MEGF11: variants seen among roughly 807,000 people sequenced by gnomAD.
MEGF11 encodes the protein multiple EGF like domains 11, also known as multiple epidermal growth factor-like domains protein 11.
A neutral mutation model predicts 146.6 loss-of-function variants in MEGF11; 126 were observed. That is an observed-to-expected ratio of 0.86 (90% CI 0.74 to 1.00). The LOEUF (loss-of-function observed/expected upper bound fraction) is 1.00. Among genes scored for constraint, MEGF11 ranks in the 50% least tolerant of loss-of-function variants. MEGF11 has a pLI of 0.00. For missense variants in MEGF11, 1,509 were observed against 1,521.2 expected (o/e 0.99, Z 0.13); for synonymous variants, 532 against 583.4 (o/e 0.91, Z 1.27).
chr15:65,931,631 C>A (rs1239924471), intron 10 of MEGF11, among the ~76,000 whole-genome samples: 8 of 152,200 alleles, frequency 5.3e-5, no homozygotes, highest in Non-Finnish European at 1.5e-5. Flanking sequence ...ATACCAGGGA[C>A]CTTGACTCCA....
chr15:66,172,485 G>A (rs1406001007), intron 1 of MEGF11, among the ~76,000 whole-genome samples: 1 of 152,152 alleles, frequency 6.6e-6, no homozygotes, highest in African/African-American at 2.4e-5. Context: ...GGAGGGGCGT[G>A]AGGCTGGGTG....
At chr15:66,149,701 A>G (rs2089494939) in intron 1 of MEGF11, among the ~76,000 whole-genome samples, 1 of 152,236 alleles carries the variant, frequency 6.6e-6, no homozygotes, top group Non-Finnish European at 1.5e-5. Context: ...GCAGGATTCA[A>G]CAAAAAGAGG....
intron 1 of MEGF11, among the ~76,000 whole-genome samples, chr15:66,212,278 C>A (rs1283986531): frequency 4.6e-5 from 7 of 152,146 alleles, no homozygotes; most frequent in Non-Finnish European, 7.4e-5. Context: ...TCACACACAG[C>A]CACTTACACA....
At chr15:66,204,706 A>T (rs1050772704) in intron 1 of MEGF11, among the ~76,000 whole-genome samples, 1 of 152,224 alleles carries the variant, frequency 6.6e-6, no homozygotes, top group Non-Finnish European at 1.5e-5. Context: ...CTCCATCAAC[A>T]TTCATTCTTG....
chr15:65,922,583 C>CCAAGATGAGGGAAGG, intron 14 of MEGF11, 111 bp from the exon 15 acceptor site: 1 of 1,409,314 alleles, frequency 7.1e-7, no homozygotes, highest in Non-Finnish European at 9.4e-7. Context: ...ATCCTTCCCT[C>CCAAGATGAGGGAAGG]ATCTTGGAGG....
Position 66,027,220 on chromosome 15 carries a change from A to C in MEGF11, c.395-44732T>G, listed in dbSNP as rs563776140. Among the ~76,000 whole-genome samples the C allele has an allele frequency of 2.6e-5, 4 of 152,276 alleles. No individual in the cohort carries two copies. In the South Asian group the frequency reaches 8.3e-4, roughly 32 times the overall value. On this transcript the variant is annotated intron_variant, in intron 5 of 25. Transcript: ENST00000395614. Reference sequence around the variant, plus strand: ...ACACTTCCAGATTGATCAGCACACAAAGACTCAGAAGACACAGGTTCAAAT... The same window carrying C: ...ACACTTCCAGATTGATCAGCACACACAGACTCAGAAGACACAGGTTCAAAT...
chr15:66,117,507 T>C (rs1391365035), intron 4 of MEGF11, among the ~76,000 whole-genome samples: 1 of 152,156 alleles, frequency 6.6e-6, no homozygotes, highest in Non-Finnish European at 1.5e-5. Context: ...TTTGCCACCG[T>C]TCACTAATGG....
intron 1 of MEGF11, among the ~76,000 whole-genome samples, chr15:66,200,512 T>C (rs2091127754): frequency 6.6e-6 from 1 of 152,184 alleles, no homozygotes; most frequent in African/African-American, 2.4e-5. Flanking sequence ...TTATTTTCTC[T>C]AGTAATTCAG....
At chr15:66,048,935 G>C (rs1308232437) in intron 5 of MEGF11, among the ~76,000 whole-genome samples, 1 of 152,100 alleles carries the variant, frequency 6.6e-6, no homozygotes, top group Non-Finnish European at 1.5e-5. Context: ...TTTTACAGTT[G>C]GGGAAACTGA....
intron 15 of MEGF11, 42 bp downstream of exon 15, chr15:65,922,296 C>T (rs374897704): frequency 2.6e-5 from 41 of 1,594,758 alleles, no homozygotes; most frequent in Non-Finnish European, 3.4e-5. Context: ...CTCCCAGAAC[C>T]TCTCACCTCC....
intron 5 of MEGF11, among the ~76,000 whole-genome samples, chr15:66,025,696 G>T (rs1597004261): frequency 6.6e-6 from 1 of 152,022 alleles, no homozygotes; most frequent in South Asian, 2.1e-4. Context: ...TTGCCTTCAG[G>T]CCTCTCGGGA....
At chr15:65,907,884 C>T (rs2078677428) in intron 23 of MEGF11, among the ~76,000 whole-genome samples, 1 of 152,374 alleles carries the variant, frequency 6.6e-6, no homozygotes, top group East Asian at 1.9e-4. Context: ...TACCAGCCTG[C>T]CTGGGTGTAA....
chr15:66,119,437 G>T (rs996024058), intron 3 of MEGF11, among the ~76,000 whole-genome samples: 3 of 152,196 alleles, frequency 2.0e-5, no homozygotes, highest in African/African-American at 7.2e-5. Context: ...AAATAGAAGG[G>T]CTGCAGAAGA....
At chr15:65,990,353 C>T (rs902266989) in intron 5 of MEGF11, among the ~76,000 whole-genome samples, 1 of 152,138 alleles carries the variant, frequency 6.6e-6, no homozygotes, top group African/African-American at 2.4e-5. Flanking sequence ...GAGTTCAAGA[C>T]CAGCCTGGGC....
intron 1 of MEGF11, among the ~76,000 whole-genome samples, chr15:66,183,324 ACAC>A (rs1379147304): frequency 6.6e-6 from 1 of 152,034 alleles, no homozygotes; most frequent in Non-Finnish European, 1.5e-5. Context: ...ACATGGTGAA[ACAC>A]TGTCTCCAGT....
At chr15:66,177,679 T>C (rs1038359502) in intron 1 of MEGF11, among the ~76,000 whole-genome samples, 34 of 150,878 alleles carry the variant, frequency 2.3e-4, no homozygotes, top group Non-Finnish European at 4.3e-4. Flanking sequence ...ATTGCCTTTT[T>C]CTTCTTTTTT....
At chr15:65,919,771 C>T (rs114265837) in intron 15 of MEGF11, among the ~76,000 whole-genome samples, 1,637 of 152,276 alleles carry the variant, frequency 0.011, 23 homozygotes, top group African/African-American at 0.037. Flanking sequence ...AGGCACGCGC[C>T]ACCATGTCCG....
intron 24 of MEGF11, among the ~76,000 whole-genome samples, chr15:65,903,598 G>A (rs1301194556): frequency 6.6e-6 from 1 of 152,230 alleles, no homozygotes; most frequent in Non-Finnish European, 1.5e-5. Flanking sequence ...CATACAGCAA[G>A]AACTAGGACT....
chr15:65,904,194 A>C (rs2078564136), intron 24 of MEGF11, among the ~76,000 whole-genome samples: 2 of 152,230 alleles, frequency 1.3e-5, no homozygotes, highest in African/African-American at 2.4e-5. Flanking sequence ...GAGTTTATTC[A>C]TGCTTGAGTC....
Sources: gnomAD v4.1 joint callset for allele counts (sites outside exome capture counted in the v4.1 genomes callset) on GRCh38, gnomAD v4.1.1 for gene constraint, MANE v1.5 for transcripts, NCBI Gene and HGNC (gene_info 2026-07-23, HGNC 2026-07-21) for gene names.